Variants in EMC3 observed in about 807,000 individuals in gnomAD.
EMC3 encodes 30 kDa protein.
Under a neutral mutation model 36.6 loss-of-function variants are expected in EMC3, and 13 were observed. The observed-to-expected ratio is 0.35, with a 90% CI of 0.23 to 0.56. EMC3 has a LOEUF of 0.56. EMC3 is among the 20% of genes least tolerant of loss of function. The pLI is 0.84. For synonymous variants in EMC3, 120 were observed against 111.9 expected (o/e 1.07, Z -0.46); for missense variants, 220 against 324.5 (o/e 0.68, Z 2.47).
intron 1 of EMC3, among the ~76,000 whole-genome samples, chr3:9,982,973 C>T (rs138962547): frequency 6.6e-6 from 1 of 152,122 alleles, no homozygotes; most frequent in African/African-American, 2.4e-5. Context: ...CAGCATTTTG[C>T]TCAAGTCAAA....
At chr3:10,002,303 T>TGTTATGTTATGTTATG (rs1335633229) in intron 1 of EMC3, among the ~76,000 whole-genome samples, 1 of 151,812 alleles carries the variant, frequency 6.6e-6, no homozygotes, top group African/African-American at 2.4e-5. Context: ...TTTTATTTTA[T>TGTTATGTTATGTTATG]TTTGAGATAG....
At chr3:9,973,818 A>T in intron 4 of EMC3, 109 bp from the exon 5 acceptor site, 1 of 972,542 alleles carries the variant, frequency 1.0e-6, no homozygotes, top group Non-Finnish European at 1.6e-6. Flanking sequence ...CTTTTGGAAA[A>T]CGACTTCCAC....
upstream of EMC3, chr3:9,986,914 G>A: frequency 3.9e-6 from 5 of 1,289,138 alleles, no homozygotes; most frequent in Non-Finnish European, 4.9e-6. Flanking sequence ...TGGCGGGAAA[G>A]TGGAAAACTA....
intron 1 of EMC3, chr3:10,007,645 G>A: frequency 1.5e-6 from 2 of 1,356,334 alleles, no homozygotes; most frequent in Non-Finnish European, 2.0e-6. Context: ...AGGGGGTGGT[G>A]GGAATGGGGG....
At chr3:9,998,627 C>T (rs999346962) in intron 1 of EMC3, among the ~76,000 whole-genome samples, 8 of 151,690 alleles carry the variant, frequency 5.3e-5, no homozygotes, top group Admixed American at 1.3e-4. Context: ...CTGATGAGTA[C>T]GGAGTGATAC....
At chr3:10,002,998 A>G in intron 1 of EMC3, 2 of 455,746 alleles carry the variant, frequency 4.4e-6, no homozygotes, top group South Asian at 1.6e-5. Flanking sequence ...CTCCACCCAG[A>G]GCACCAGCAG....
At position 9,973,616 on chromosome 3, in the gene EMC3, G is replaced by T. The variant is rs370887302; in HGVS notation, c.494+12C>A. ...TGGTTTGTGTTTTTATTAAACAAAA[G>T]AAAGTTCTTACCAGGATGCATCTAA... On this transcript the variant is annotated intron_variant, in intron 5 of 7. Coordinates refer to ENST00000245046, the MANE Select transcript of EMC3 (RefSeq NM_001394674.1). 5.6e-6 allele frequency: 9 copies of T among 1,612,530 alleles called. No individual in the cohort carries two copies. Among genetic ancestry groups the T allele is most frequent in the Admixed American group, 3.3e-5 (2 of 59,958 alleles).
In EMC3 at chr3:10,005,407, C is replaced by T. The variant is rs1006269861; in HGVS notation, c.-242+5616G>A. ...TGTACCCCTACGTGGCCCCAGAACG[C>T]TCCCTGGGCCAGGCATGCCAGTGAC... On this transcript the variant is annotated intron_variant, in intron 1 of 8. Coordinates refer to the EMC3 transcript ENST00000470827. 3.9e-5 allele frequency among the ~76,000 whole-genome samples: 6 copies of T among 152,170 alleles called. No homozygotes were observed. The South Asian group carries it at 1.0e-3, about 26-fold the overall frequency.
chr3:9,964,323 T>G (rs927822935), intron 7 of EMC3, 126 bp from the exon 8 acceptor site: 1 of 1,425,758 alleles, frequency 7.0e-7, no homozygotes, highest in African/African-American at 1.4e-5. Flanking sequence ...ATAAGCTCAT[T>G]CAATCCTACA....
At chr3:9,999,879 C>G (rs2086176104) in intron 1 of EMC3, among the ~76,000 whole-genome samples, 1 of 152,102 alleles carries the variant, frequency 6.6e-6, no homozygotes, top group South Asian at 2.1e-4. Flanking sequence ...CAATCCTAGC[C>G]TTTAAGAGGC....
At chr3:9,969,687 T>A (rs774315420) in intron 7 of EMC3, 32 bp downstream of exon 7, 6 of 1,614,000 alleles carry the variant, frequency 3.7e-6, no homozygotes, top group Non-Finnish European at 5.1e-6. Context: ...TTTCAGAGCA[T>A]TGCTGCAGCT....
intron 1 of EMC3, chr3:9,981,696 A>G (rs1238971943): frequency 4.9e-6 from 2 of 405,590 alleles, no homozygotes; most frequent in Admixed American, 6.3e-5. Flanking sequence ...CAGCCCCCCA[A>G]AGTGCTGGGA....
At chr3:9,986,348 C>T (rs1208361398) in intron 1 of EMC3, among the ~76,000 whole-genome samples, 159 bp downstream of exon 1, 1 of 152,182 alleles carries the variant, frequency 6.6e-6, no homozygotes. Flanking sequence ...GTTATCATCC[C>T]CATTTCACAG....
chr3:9,989,331 A>C (rs1304677028), upstream of EMC3, among the ~76,000 whole-genome samples: 1 of 152,178 alleles, frequency 6.6e-6, no homozygotes, highest in Non-Finnish European at 1.5e-5. Flanking sequence ...CAGGCGGATC[A>C]TCTGAGGTCA....
At chr3:9,992,898 T>C in intron 1 of EMC3, 1 of 1,597,944 alleles carries the variant, frequency 6.3e-7, no homozygotes. Flanking sequence ...TTTCATCATC[T>C]ATAGCACCAA....
intron 1 of EMC3, among the ~76,000 whole-genome samples, chr3:9,997,260 C>T (rs541307750): frequency 6.7e-6 from 1 of 149,818 alleles, no homozygotes; most frequent in South Asian, 2.1e-4. Flanking sequence ...TTAGTAGAGA[C>T]GGGGTTTCAC....
At chr3:9,990,098 C>T (rs2086029776), upstream of EMC3, among the ~76,000 whole-genome samples, 1 of 151,368 alleles carries the variant, frequency 6.6e-6, no homozygotes, top group African/African-American at 2.4e-5. Flanking sequence ...AATCTCAGCT[C>T]ACTGCAAGCT....
At chr3:9,986,983 A>G, upstream of EMC3, 1 of 1,101,174 alleles carries the variant, frequency 9.1e-7, no homozygotes, top group Non-Finnish European at 1.1e-6. Context: ...TGGGAGGCCA[A>G]GGTGGGGGGA....
At chr3:9,984,151 G>A (rs1208435145) in intron 1 of EMC3, among the ~76,000 whole-genome samples, 7 of 151,446 alleles carry the variant, frequency 4.6e-5, no homozygotes, top group African/African-American at 1.7e-4. Context: ...GCATGATCTC[G>A]GCTCACCGCA....
Sources: gnomAD v4.1 joint callset for allele counts (sites outside exome capture counted in the v4.1 genomes callset) on GRCh38, gnomAD v4.1.1 for gene constraint, MANE v1.5 for transcripts, NCBI Gene and HGNC (gene_info 2026-07-23, HGNC 2026-07-21) for gene names.